The following MAT1A variants were observed in gnomAD, a reference collection of about 807,000 sequenced individuals.
MAT1A encodes S-adenosylmethionine synthase isoform type-1.
Under a neutral mutation model 44.0 loss-of-function variants are expected in MAT1A, and 19 were observed. The observed-to-expected ratio is 0.43, with a 90% CI of 0.30 to 0.63. The LOEUF (loss-of-function observed/expected upper bound fraction) is 0.63, where lower values mean the gene tolerates loss of function less well. Ranked by LOEUF, MAT1A falls within the 30% of genes least tolerant of loss-of-function variation. The pLI is 0.12. For synonymous variants in MAT1A, 205 were observed against 205.6 expected (o/e 1.00, Z 0.03); for missense variants, 397 against 531.0 (o/e 0.75, Z 2.48).
intron 5 of MAT1A, among the ~76,000 whole-genome samples, chr10:80,277,892 C>T (rs927639248): frequency 2.0e-5 from 3 of 152,262 alleles, no homozygotes; most frequent in African/African-American, 4.8e-5. Flanking sequence ...TAGCCATCCA[C>T]ACTGCCACCC....
At chr10:80,277,922 A>C (rs572730273) in intron 5 of MAT1A, among the ~76,000 whole-genome samples, 308 of 152,376 alleles carry the variant, frequency 2.0e-3, no homozygotes, top group African/African-American at 7.1e-3. Context: ...TATCAGCAGC[A>C]GGGATTTGTT....
intron 3 of MAT1A, among the ~76,000 whole-genome samples, chr10:80,281,310 A>C (rs1412599522): frequency 6.6e-6 from 1 of 152,134 alleles, no homozygotes; most frequent in Non-Finnish European, 1.5e-5. Context: ...CTATCCAGAC[A>C]GACTCCCCAA....
At chr10:80,280,037 C>T in intron 5 of MAT1A, 136 bp downstream of exon 5, 1 of 1,061,758 alleles carries the variant, frequency 9.4e-7, no homozygotes, top group Non-Finnish European at 1.4e-6. Context: ...ATAAATAGTT[C>T]TTTTCAAAAC....
At chr10:80,288,138 T>C (rs917319522) in intron 1 of MAT1A, among the ~76,000 whole-genome samples, 1 of 152,156 alleles carries the variant, frequency 6.6e-6, no homozygotes, top group East Asian at 1.9e-4. Context: ...GAAAGATAAA[T>C]ATCTTTGAGG....
Position 80,273,420 on chromosome 10 carries a change from C to T in MAT1A, c.*361G>A. 1 of 339,662 alleles carries T rather than the reference C, an allele frequency of 2.9e-6. No individual in the cohort carries two copies. Among genetic ancestry groups the T allele is most frequent in the Non-Finnish European group, 5.8e-6 (1 of 173,368 alleles). 21.0% of individuals were successfully genotyped at this position (339,662 alleles called of 1,614,324 possible). A position where few individuals can be genotyped will look rare whatever the true frequency, so the allele number is the denominator to read the frequency against. ...CTGAGGCCTGTTGAGATGTGCTGACCTCACCTGGCACAGGCAAGGGGAGGG... is the reference window on the plus strand; with the variant it reads ...CTGAGGCCTGTTGAGATGTGCTGACTTCACCTGGCACAGGCAAGGGGAGGG... On this transcript the variant is annotated 3_prime_UTR_variant, in exon 9 of 9. Coordinates refer to ENST00000372213, the MANE Select transcript of MAT1A (RefSeq NM_000429.3).
At chr10:80,281,887 G>A (rs1017127105) in intron 3 of MAT1A, among the ~76,000 whole-genome samples, 14 of 152,178 alleles carry the variant, frequency 9.2e-5, no homozygotes, top group African/African-American at 3.4e-4. Context: ...TGCCTAGAAC[G>A]TTCTACCTCC....
rs1189261701 is a variant in MAT1A at position 80,275,299 on chromosome 10, G to T, written c.769-100C>A. The T allele has an allele frequency of 2.8e-6, 3 of 1,075,220 alleles. No homozygotes were observed. The African/African-American group carries it at 4.7e-5, about 17-fold the overall frequency. The allele number at this position is 1,075,220 out of a possible 1,614,324, so 66.6% of individuals were successfully genotyped here. A position where few individuals can be genotyped will look rare whatever the true frequency, so the allele number is the denominator to read the frequency against. On this transcript the variant is annotated intron_variant, in intron 6 of 8. Transcript: ENST00000372213. ...GGCAGCTGAACTGCAACTCAGGAAGGATGTCCTGGGGCTGCCCACAGACAT... is the reference window on the plus strand; with the variant it reads ...GGCAGCTGAACTGCAACTCAGGAAGTATGTCCTGGGGCTGCCCACAGACAT...
intron 4 of MAT1A, 103 bp from the exon 5 acceptor site, chr10:80,280,419 C>T: frequency 7.0e-7 from 1 of 1,425,240 alleles, no homozygotes; most frequent in African/African-American, 1.4e-5. Context: ...TGATTGGGTG[C>T]CTCCTCCATG....
At chr10:80,276,232 CAAAA>C in intron 6 of MAT1A, 140 bp downstream of exon 6, 1 of 837,220 alleles carries the variant, frequency 1.2e-6, no homozygotes, top group Non-Finnish European at 2.0e-6. Context: ...GTACAGAGGC[CAAAA>C]TTCACCGACT....
At chr10:80,275,254 G>C in intron 6 of MAT1A, 55 bp from the exon 7 acceptor site, 3 of 1,470,286 alleles carry the variant, frequency 2.0e-6, no homozygotes, top group Non-Finnish European at 2.8e-6. Context: ...AGATGCTGGA[G>C]GGGGCTGAAG....
intron 3 of MAT1A, among the ~76,000 whole-genome samples, chr10:80,283,544 A>G (rs1156881067): frequency 1.2e-4 from 18 of 152,274 alleles, no homozygotes; most frequent in Admixed American, 1.1e-3. Context: ...GCATAAGTAC[A>G]TAAATGATTA....
intron 3 of MAT1A, among the ~76,000 whole-genome samples, chr10:80,283,291 G>A (rs1221059855): frequency 1.3e-5 from 2 of 152,236 alleles, no homozygotes; most frequent in Non-Finnish European, 2.9e-5. Flanking sequence ...GTTGGAATCT[G>A]CTTCAAAGTT....
chr10:80,278,551 A>C (rs1055153894), intron 5 of MAT1A, among the ~76,000 whole-genome samples: 5 of 152,222 alleles, frequency 3.3e-5, no homozygotes, highest in Non-Finnish European at 7.3e-5. Context: ...TACATGTTTT[A>C]GCTCTCCTAA....
intron 3 of MAT1A, 70 bp downstream of exon 3, chr10:80,283,846 T>C: frequency 6.2e-7 from 1 of 1,611,120 alleles, no homozygotes. Context: ...AAGGCACGGG[T>C]TTGACTCAGC....
Position 80,289,513 on chromosome 10 carries a change from C to CTTCTTT in MAT1A, c.-91_-90insAAAGAA. 9.8e-7 allele frequency: 1 copy of CTTCTTT among 1,024,430 alleles called. No individual in the cohort carries two copies. The highest frequency in any genetic ancestry group is 1.5e-6 in the Non-Finnish European group (1 of 649,034). 63.5% of individuals were successfully genotyped at this position (1,024,430 alleles called of 1,614,324 possible). A position where few individuals can be genotyped will look rare whatever the true frequency, so the allele number is the denominator to read the frequency against. ...GTTTTTTTTTCTTCTTCTTCTTCTT[C>CTTCTTT]TTTCAACCCAACAGGCTTGTCTTTG... On this transcript the variant is annotated 5_prime_UTR_variant, in exon 1 of 9. Coordinates refer to ENST00000372213, the MANE Select transcript of MAT1A (RefSeq NM_000429.3).
In MAT1A at chr10:80,280,712, T is replaced by C; in HGVS notation, c.373A>G (p.Arg125Gly). Residue 125 changes from arginine to glycine, a missense_variant, in exon 4 of 9, where the codon AGA (arginine) becomes GGA (glycine). Coordinates refer to ENST00000372213, the MANE Select transcript of MAT1A (RefSeq NM_000429.3). ...CCTGCCCCCACATCCTCCTCATTTC[T>C]GTCCAGATGGACGCACTGGGCAATA... ...PDIAQCVHLD[R>G]NEEDVGAGDQ... 1 of 1,614,202 alleles carries C rather than the reference T, an allele frequency of 6.2e-7. No individual in the cohort carries two copies. Among genetic ancestry groups the C allele is most frequent in the Non-Finnish European group, 8.5e-7 (1 of 1,180,026 alleles).
chr10:80,277,105 A>G (rs570166708), intron 5 of MAT1A, among the ~76,000 whole-genome samples: 1 of 152,208 alleles, frequency 6.6e-6, no homozygotes, highest in Non-Finnish European at 1.5e-5. Flanking sequence ...TTCCAAGAAG[A>G]AGGTTGGATG....
At chr10:80,278,159 G>A (rs528336830) in intron 5 of MAT1A, among the ~76,000 whole-genome samples, 8 of 152,258 alleles carry the variant, frequency 5.3e-5, no homozygotes, top group Admixed American at 2.6e-4. Context: ...GCTGGCCCGC[G>A]GTCCTGCCTG....
intron 4 of MAT1A, among the ~76,000 whole-genome samples, 173 bp from the exon 5 acceptor site, chr10:80,280,489 A>AG (rs1841551834): frequency 6.6e-6 from 1 of 152,096 alleles, no homozygotes; most frequent in Non-Finnish European, 1.5e-5. Flanking sequence ...ACACTCTAGG[A>AG]GGGGGAGACA....
Sources: allele counts gnomAD v4.1 joint callset (sites outside exome capture counted in the v4.1 genomes callset), GRCh38; gene constraint gnomAD v4.1.1; transcripts MANE v1.5; gene names NCBI Gene and HGNC (gene_info 2026-07-23, HGNC 2026-07-21).